APP: variants seen among roughly 807,000 people sequenced by gnomAD.
The protein encoded by APP is amyloid beta precursor protein, also known as amyloid-beta precursor protein.
APP carries 31 observed loss-of-function variants against 101.4 expected under a neutral mutation model. That is an observed-to-expected ratio of 0.31 (90% CI 0.23 to 0.41). The LOEUF is 0.41. Ranked by LOEUF, APP falls within the 10% of genes least tolerant of loss-of-function variation. The pLI, the probability that APP is intolerant of heterozygous loss-of-function variation, is 1.00. For synonymous variants in APP, 366 were observed against 364.4 expected (o/e 1.00, Z -0.05); for missense variants, 839 against 1,003.7 (o/e 0.84, Z 2.22).
chr21:26,074,456 G>A (rs1318555668), intron 3 of APP, among the ~76,000 whole-genome samples: 1 of 152,146 alleles, frequency 6.6e-6, no homozygotes, highest in Non-Finnish European at 1.5e-5. Flanking sequence ...GCAGATTTCT[G>A]TGAAAATTAA....
At chr21:26,160,667 C>G (rs140168775) in intron 1 of APP, among the ~76,000 whole-genome samples, 22 of 151,286 alleles carry the variant, frequency 1.5e-4, no homozygotes, top group Middle Eastern at 3.4e-3. Flanking sequence ...AAAAAAGGAG[C>G]CAAAAAAAAA....
rs563306705 is a variant in APP, at chr21:26,143,890, C to T, written c.57+26674G>A. On this transcript the variant is annotated intron_variant, in intron 1 of 17. Coordinates refer to ENST00000346798, the MANE Select transcript of APP (RefSeq NM_000484.4). ...TCAACCTCACCCCTATTGTTTATTG[C>T]TACTTGGGTCAAATTATGTAGCCTC... 2.6e-5 allele frequency among the ~76,000 whole-genome samples: 4 copies of T among 152,236 alleles called. No homozygotes were observed. In the East Asian group the frequency reaches 7.7e-4, roughly 29 times the overall value.
chr21:26,061,087 A>T (rs1246076666), intron 3 of APP, among the ~76,000 whole-genome samples: 3 of 152,196 alleles, frequency 2.0e-5, no homozygotes, highest in Non-Finnish European at 4.4e-5. Context: ...GGAGATGACA[A>T]TGACTTGGAC....
At chr21:26,117,325 G>A (rs1307832248) in intron 1 of APP, among the ~76,000 whole-genome samples, 1 of 152,256 alleles carries the variant, frequency 6.6e-6, no homozygotes, top group East Asian at 1.9e-4. Context: ...ATTGTCAAAT[G>A]TAAAGAACTA....
chr21:26,128,814 C>CACA (rs1406782604), intron 1 of APP, among the ~76,000 whole-genome samples: 1 of 152,036 alleles, frequency 6.6e-6, no homozygotes, highest in Non-Finnish European at 1.5e-5. Context: ...TCCATTGTGA[C>CACA]ACATTTAACA....
At chr21:25,998,520 G>A (rs1479954271) in intron 7 of APP, among the ~76,000 whole-genome samples, 3 of 151,968 alleles carry the variant, frequency 2.0e-5, no homozygotes, top group Non-Finnish European at 4.4e-5. Context: ...ATTCCTCTTA[G>A]ATCCTGGGCT....
At chr21:26,143,590 T>C (rs1434246351) in intron 1 of APP, among the ~76,000 whole-genome samples, 3 of 152,216 alleles carry the variant, frequency 2.0e-5, no homozygotes, top group African/African-American at 7.2e-5. Context: ...TAACATTTAC[T>C]CTCGCAGACG....
At chr21:26,121,490 C>T (rs1172374859) in intron 1 of APP, among the ~76,000 whole-genome samples, 2 of 151,958 alleles carry the variant, frequency 1.3e-5, no homozygotes, top group African/African-American at 2.4e-5. Flanking sequence ...CTGGTTCAAG[C>T]GATTCTCCTG....
At chr21:26,104,717 A>G (rs2062140890) in intron 2 of APP, among the ~76,000 whole-genome samples, 2 of 152,254 alleles carry the variant, frequency 1.3e-5, no homozygotes, top group Admixed American at 1.3e-4. Context: ...AGCAGAGTAG[A>G]TAATTCACAG....
Position 26,032,803 on chromosome 21 carries a change from A to ATATATAT in APP, c.663-10762_663-10761insATATATA, listed in dbSNP as rs1555851817. Reference sequence around the variant, plus strand: ...GGGGCTTATTATTTTAGAAAAAAAAAAAATATATATATATATATAAAGAGC... The same window carrying ATATATAT: ...GGGGCTTATTATTTTAGAAAAAAAAATATATATAAATATATATATATATATAAAGAGC... On this transcript the variant is annotated intron_variant, in intron 5 of 17. Transcript: ENST00000346798. 3.1e-5 allele frequency among the ~76,000 whole-genome samples: 4 copies of ATATATAT among 127,744 alleles called. No individual in the cohort carries two copies. In the East Asian group the frequency reaches 1.1e-3, roughly 34 times the overall value. 83.8% of individuals were successfully genotyped at this position (127,744 alleles called of 152,430 possible).
chr21:25,921,416 T>G (rs2039635098), intron 13 of APP, among the ~76,000 whole-genome samples: 2 of 145,004 alleles, frequency 1.4e-5, no homozygotes, highest in Non-Finnish European at 3.0e-5. Context: ...CAAAAAACCC[T>G]TCAAAAAAAT....
At chr21:26,037,557 A>G (rs2045174336) in intron 5 of APP, among the ~76,000 whole-genome samples, 2 of 152,240 alleles carry the variant, frequency 1.3e-5, no homozygotes, top group South Asian at 2.1e-4. Flanking sequence ...GTGTTTCAAC[A>G]CCAATGAGTT....
intron 7 of APP, 117 bp downstream of exon 7, chr21:25,999,898 G>T: frequency 8.7e-7 from 1 of 1,153,376 alleles, no homozygotes; most frequent in Non-Finnish European, 1.3e-6. Context: ...ACAGAAATGT[G>T]GTTAGTGGTA....
At chr21:26,162,669 T>C (rs1451490156) in intron 1 of APP, among the ~76,000 whole-genome samples, 1 of 151,696 alleles carries the variant, frequency 6.6e-6, no homozygotes, top group Non-Finnish European at 1.5e-5. Context: ...GTTTGAAATT[T>C]AGCAAAGCAG....
intron 2 of APP, among the ~76,000 whole-genome samples, chr21:26,098,114 A>C (rs1012396487): frequency 6.7e-6 from 1 of 148,878 alleles, no homozygotes; most frequent in African/African-American, 2.4e-5. Flanking sequence ...AGAGTGCATA[A>C]GAAATTCCAA....
chr21:25,967,252 T>C (rs1284152170), intron 11 of APP, among the ~76,000 whole-genome samples: 1 of 152,126 alleles, frequency 6.6e-6, no homozygotes, highest in Non-Finnish European at 1.5e-5. Flanking sequence ...AAGCAGCAGA[T>C]AGAAGCATGA....
At chr21:26,001,059 G>A (rs1338209631) in intron 6 of APP, among the ~76,000 whole-genome samples, 1 of 151,994 alleles carries the variant, frequency 6.6e-6, no homozygotes, top group Non-Finnish European at 1.5e-5. Flanking sequence ...TTAAAAATCT[G>A]TATTATTTGT....
intron 1 of APP, among the ~76,000 whole-genome samples, chr21:26,148,387 C>G (rs1182124785): frequency 1.3e-5 from 2 of 152,174 alleles, no homozygotes; most frequent in African/African-American, 4.8e-5. Flanking sequence ...TGTCCCGAAC[C>G]AACATTCTTG....
At chr21:26,065,048 T>A (rs1204931547) in intron 3 of APP, among the ~76,000 whole-genome samples, 2 of 152,140 alleles carry the variant, frequency 1.3e-5, no homozygotes, top group Non-Finnish European at 2.9e-5. Context: ...GAGACGGGGT[T>A]TTGCCACATT....
Sources: gnomAD v4.1 joint callset for allele counts (sites outside exome capture counted in the v4.1 genomes callset) on GRCh38, gnomAD v4.1.1 for gene constraint, MANE v1.5 for transcripts, NCBI Gene and HGNC (gene_info 2026-07-23, HGNC 2026-07-21) for gene names.